DTL: variants seen among roughly 807,000 people sequenced by gnomAD.
The protein encoded by DTL is denticleless E3 ubiquitin protein ligase adapter, also known as denticleless protein homolog.
DTL carries 46 observed loss-of-function variants against 87.0 expected under a neutral mutation model. The ratio of observed to expected loss-of-function variants is 0.53; its 90% CI spans 0.42 to 0.68. DTL has a LOEUF of 0.68. Among genes scored for constraint, DTL ranks in the 30% least tolerant of loss-of-function variants. The pLI is 0.00. For synonymous variants in DTL, 308 were observed against 311.2 expected, an observed-to-expected ratio of 0.99 and a Z score of 0.11; for missense variants, 737 against 869.4, an observed-to-expected ratio of 0.85 and a Z score of 1.91.
At chr1:212,087,436 G>C (rs1332754300) in intron 13 of DTL, among the ~76,000 whole-genome samples, 1 of 152,116 alleles carries the variant, frequency 6.6e-6, no homozygotes, top group Non-Finnish European at 1.5e-5. Context: ...TGTAGTCCCA[G>C]CTACTCGGGA....
At chr1:212,063,802 A>G (rs977817727) in intron 6 of DTL, among the ~76,000 whole-genome samples, 4 of 152,162 alleles carry the variant, frequency 2.6e-5, no homozygotes, top group African/African-American at 9.7e-5. Flanking sequence ...AAATGATCAA[A>G]TCAGGATAAT....
chr1:212,101,513 A>G (rs1485712997), intron 14 of DTL, among the ~76,000 whole-genome samples: 2 of 152,212 alleles, frequency 1.3e-5, no homozygotes, highest in Non-Finnish European at 2.9e-5. Context: ...TTCATGGGAA[A>G]GTTGCCAACA....
intron 7 of DTL, among the ~76,000 whole-genome samples, chr1:212,066,069 T>A (rs1248758503): frequency 3.9e-5 from 6 of 152,204 alleles, no homozygotes; most frequent in African/African-American, 7.2e-5. Flanking sequence ...ACCACTCTAA[T>A]AACTTACAGT....
intron 6 of DTL, among the ~76,000 whole-genome samples, chr1:212,063,521 C>G (rs1318710704): frequency 1.3e-5 from 2 of 151,982 alleles, no homozygotes; most frequent in Admixed American, 6.6e-5. Flanking sequence ...AAACTCCTGA[C>G]CTCAAGTGAT....
At chr1:212,092,814 C>T (rs893630679) in intron 13 of DTL, among the ~76,000 whole-genome samples, 1 of 152,086 alleles carries the variant, frequency 6.6e-6, no homozygotes, top group African/African-American at 2.4e-5. Context: ...AATGGTAGAT[C>T]TACTTTTAGT....
At chr1:212,091,857 T>C (rs979887137) in intron 13 of DTL, among the ~76,000 whole-genome samples, 1 of 152,268 alleles carries the variant, frequency 6.6e-6, no homozygotes, top group Non-Finnish European at 1.5e-5. Flanking sequence ...TTAATCATTC[T>C]ACAATGTATG....
chr1:212,079,950 C>T (rs917001215), intron 12 of DTL, among the ~76,000 whole-genome samples: 1 of 152,160 alleles, frequency 6.6e-6, no homozygotes, highest in African/African-American at 2.4e-5. Flanking sequence ...CCATTTGCCA[C>T]AAGCTCTTCA....
At chr1:212,084,172 G>A (rs1487592781) in intron 13 of DTL, among the ~76,000 whole-genome samples, 1 of 150,504 alleles carries the variant, frequency 6.6e-6, no homozygotes, top group East Asian at 1.9e-4. Flanking sequence ...ATTTGTTTTT[G>A]CTCTTTGCTT....
At position 212,097,120 on chromosome 1, in the gene DTL, A is replaced by G. The variant is rs975995188; in HGVS notation, c.1262-3132A>G. The stretch of plus-strand genomic sequence containing the variant: ...TTTATGAAGCTTAGTTTCACTGGAT[A>G]CAAAATTCTTGGCTGATAATTATTT... On this transcript the variant is annotated intron_variant, in intron 13 of 14. Coordinates refer to ENST00000366991, the MANE Select transcript of DTL (RefSeq NM_016448.4). 3.3e-5 allele frequency among the ~76,000 whole-genome samples: 5 copies of G among 152,340 alleles called. No individual in the cohort carries two copies. In the South Asian group the frequency reaches 1.0e-3, roughly 32 times the overall value.
intron 5 of DTL, among the ~76,000 whole-genome samples, chr1:212,052,683 A>G (rs1668027604): frequency 6.8e-6 from 1 of 146,422 alleles, no homozygotes; most frequent in Admixed American, 6.8e-5. Flanking sequence ...TGCCTAATTT[A>G]TTCATATTCT....
chr1:212,072,162 T>G lies in DTL; in HGVS notation c.984T>G (p.Asp328Glu). The G allele has an allele frequency of 6.2e-7, 1 of 1,614,116 alleles. No homozygotes were observed. The highest frequency in any genetic ancestry group is 8.5e-7 in the Non-Finnish European group (1 of 1,179,980). Residue 328 changes from aspartate to glutamate, a missense_variant, in exon 11 of 15, where the codon GAT (aspartate) becomes GAG (glutamate). Physicochemically the swap from Asp to Glu is conservative, Grantham distance 45. Transcript: ENST00000366991. ...TFYVKSSLSP[D>E]DQFLVSGSSD... Reference sequence around the variant, plus strand: ...ATGTAAAATCCAGCCTTAGTCCAGATGACCAGTTTTTAGTCAGTGGCTCAA... The same window carrying G: ...ATGTAAAATCCAGCCTTAGTCCAGAGGACCAGTTTTTAGTCAGTGGCTCAA...
chr1:212,067,978 T>TA (rs1210188532), intron 8 of DTL, among the ~76,000 whole-genome samples: 4 of 152,296 alleles, frequency 2.6e-5, no homozygotes, highest in Admixed American at 6.5e-5. Context: ...TCCGTTCTCT[T>TA]AGAGTAAACT....
At chr1:212,045,646 C>T (rs150377781) in intron 3 of DTL, among the ~76,000 whole-genome samples, 7 of 152,038 alleles carry the variant, frequency 4.6e-5, no homozygotes, top group Admixed American at 6.6e-5. Flanking sequence ...GGAAAACTTA[C>T]GAAGCATGGG....
chr1:212,092,142 T>G (rs1655302796), intron 13 of DTL, among the ~76,000 whole-genome samples: 1 of 152,194 alleles, frequency 6.6e-6, no homozygotes, highest in Admixed American at 6.5e-5. Context: ...CAAAGTCCAT[T>G]GTATCATTCT....
At chr1:212,076,077 T>G (rs1654821466) in intron 11 of DTL, among the ~76,000 whole-genome samples, 1 of 152,228 alleles carries the variant, frequency 6.6e-6, no homozygotes, top group Non-Finnish European at 1.5e-5. Flanking sequence ...TATGCCATTG[T>G]GTGGATAGAC....
intron 6 of DTL, 136 bp from the exon 7 acceptor site, chr1:212,064,781 G>A (rs1460472422): frequency 1.5e-6 from 1 of 667,740 alleles, no homozygotes; most frequent in Admixed American, 2.5e-5. Context: ...CACAGGAGAT[G>A]TAGTGCAGCT....
intron 14 of DTL, among the ~76,000 whole-genome samples, chr1:212,102,523 T>TG (rs751929408): frequency 8.9e-4 from 136 of 152,240 alleles, no homozygotes; most frequent in Non-Finnish European, 1.7e-3. Flanking sequence ...GTTTATAAAT[T>TG]GGGGGGGCTG....
At chr1:212,087,779 T>A (rs1038231236) in intron 13 of DTL, among the ~76,000 whole-genome samples, 1 of 152,080 alleles carries the variant, frequency 6.6e-6, no homozygotes, top group African/African-American at 2.4e-5. Flanking sequence ...ATCTTGAAAA[T>A]CATGTTCCCC....
chr1:212,101,093 G>A lies in DTL; in HGVS notation c.2094+9G>A, dbSNP rs759073069. 1 of 1,583,550 alleles carries A rather than the reference G, an allele frequency of 6.3e-7. No individual in the cohort carries two copies. The highest frequency in any genetic ancestry group is 8.6e-7 in the Non-Finnish European group (1 of 1,163,762). On this transcript the variant is annotated intron_variant, in intron 14 of 14. Coordinates refer to ENST00000366991, the MANE Select transcript of DTL (RefSeq NM_016448.4). ...AGAAATTGCCAAGCCCGGTAAGTCA[G>A]CAGTGGTGGGAAGATACATTTCCTA...
Sources: gnomAD v4.1 joint callset for allele counts (sites outside exome capture counted in the v4.1 genomes callset) on GRCh38, gnomAD v4.1.1 for gene constraint, MANE v1.5 for transcripts, NCBI Gene and HGNC (gene_info 2026-07-23, HGNC 2026-07-21) for gene names.